Variants in NR2C1 observed in about 807,000 individuals in gnomAD.
NR2C1 encodes TR2 nuclear hormone receptor.
A neutral mutation model predicts 74.8 loss-of-function variants in NR2C1; 33 were observed. That is an observed-to-expected ratio of 0.44 (90% confidence interval 0.33 to 0.59). The LOEUF is 0.59. NR2C1 is among the 20% of genes least tolerant of loss of function. The pLI is 0.02. For missense variants in NR2C1, 568 were observed against 715.6 expected (o/e 0.79, Z 2.35); for synonymous variants, 225 against 240.6 (o/e 0.94, Z 0.60).
intron 9 of NR2C1, among the ~76,000 whole-genome samples, chr12:95,041,348 G>A (rs919813703): frequency 1.3e-5 from 2 of 152,000 alleles, no homozygotes; most frequent in Non-Finnish European, 2.9e-5. Context: ...AAATTGAGCC[G>A]TGTGTGGTGA....
chr12:95,046,807 A>G (rs1436824923), intron 9 of NR2C1, among the ~76,000 whole-genome samples: 3 of 152,146 alleles, frequency 2.0e-5, no homozygotes, highest in African/African-American at 7.2e-5. Flanking sequence ...AGAACCATGA[A>G]ATTACCAGAC....
intron 9 of NR2C1, among the ~76,000 whole-genome samples, chr12:95,045,779 A>C (rs1014183025): frequency 6.6e-6 from 1 of 152,230 alleles, no homozygotes; most frequent in Non-Finnish European, 1.5e-5. Context: ...GGAGATTTTA[A>C]GAATCAAGTA....
chr12:95,066,318 A>T (rs1875688515), intron 2 of NR2C1, among the ~76,000 whole-genome samples: 1 of 152,242 alleles, frequency 6.6e-6, no homozygotes, highest in Non-Finnish European at 1.5e-5. Context: ...CCTGGGCAAC[A>T]TGACAAAACC....
chr12:95,025,160 C>T lies in NR2C1; in HGVS notation c.1627G>A (p.Asp543Asn). The T allele has an allele frequency of 2.0e-6, 3 of 1,514,490 alleles. No homozygotes were observed. The highest frequency in any genetic ancestry group is 2.7e-6 in the Non-Finnish European group (3 of 1,097,176). 93.8% of individuals were successfully genotyped at this position (1,514,490 alleles called of 1,614,324 possible). A position where few individuals can be genotyped will look rare whatever the true frequency, so the allele number is the denominator to read the frequency against. Residue 543 changes from aspartate to asparagine, a missense_variant, in exon 13 of 14, where the codon GAC becomes AAC. This residue lies in a region of NR2C1 where 117 missense variants were observed against 186.7 expected (regional missense o/e 0.63). Coordinates refer to ENST00000333003, the MANE Select transcript of NR2C1 (RefSeq NM_003297.4). Reference protein sequence around the residue: ...QDYITKTYPDDTYRLSRLLLR... With the variant: ...QDYITKTYPDNTYRLSRLLLR... ...TTTAACTCTAGATACCTGTAGGTGT[C>T]ATCTGGATATGTTTTGGTTATATAA... is the stretch of plus-strand genomic sequence containing the variant.
At chr12:95,037,035 T>C (rs2136116572) in intron 10 of NR2C1, among the ~76,000 whole-genome samples, 1 of 152,334 alleles carries the variant, frequency 6.6e-6, no homozygotes, top group Non-Finnish European at 1.5e-5. Flanking sequence ...TCAGTGGTAA[T>C]TTAAAAGATT....
In NR2C1 at chr12:95,058,389, A is replaced by G. The variant is rs753753392; in HGVS notation, c.465T>C (p.Cys155=). The G allele has an allele frequency of 6.2e-7, 1 of 1,613,814 alleles. No homozygotes were observed. The highest frequency in any genetic ancestry group is 8.5e-7 in the Non-Finnish European group (1 of 1,179,904). The part of the protein sequence containing the change: ...LVYSCRGSKD[C]IINKHHRNRC... ...GGTTTCGGTGGTGCTTATTAATAAT[A>G]CAATCCTTTGATCCTCGACATGAAT... Residue 155 remains cysteine (C), a synonymous_variant, in exon 5 of 14, where the codon TGT becomes TGC. Transcript: ENST00000333003.
At chr12:95,060,482 T>C (rs1592784060) in intron 3 of NR2C1, among the ~76,000 whole-genome samples, 1 of 152,050 alleles carries the variant, frequency 6.6e-6, no homozygotes, top group African/African-American at 2.4e-5. Flanking sequence ...GGTGAAACCC[T>C]GTCTGTACTA....
intron 11 of NR2C1, chr12:95,030,734 C>T (rs1196008371): frequency 2.5e-6 from 4 of 1,605,476 alleles, no homozygotes; most frequent in Admixed American, 3.4e-5. Flanking sequence ...ATAAATTATT[C>T]CTGAGCTCAA....
chr12:95,022,268 A>C lies in NR2C1; in HGVS notation c.1773T>G (p.Pro591=). 6.2e-7 allele frequency: 1 copy of C among 1,612,526 alleles called. No individual in the cohort carries two copies. The highest frequency in any genetic ancestry group is 8.5e-7 in the Non-Finnish European group (1 of 1,179,648). Residue 591 remains proline (P), a synonymous_variant, in exon 14 of 14, where the codon CCT becomes CCG. Coordinates refer to ENST00000333003, the MANE Select transcript of NR2C1 (RefSeq NM_003297.4). The part of the protein sequence containing the change: ...SVIPHILKME[P]ADYNSQIIGH... ...CAATTATTTGAGAGTTATAATCTGC[A>C]GGCTCCATTTTCAAAATATGTGGGA...
intron 10 of NR2C1, among the ~76,000 whole-genome samples, chr12:95,034,111 T>C (rs1316974720): frequency 6.6e-6 from 1 of 152,316 alleles, no homozygotes; most frequent in East Asian, 1.9e-4. Flanking sequence ...ATCACAGCCT[T>C]ATGACATTAC....
chr12:95,059,986 T>TAAA lies in NR2C1; in HGVS notation c.286-5_286-3dup, dbSNP rs79760875. ...GTCTGGAGAATTATCTGTTAGGAGC[T>TAAA]AAAAAAAAAAAAAAAAAAAAAGAAA... On this transcript the variant is annotated splice_region_variant and splice_polypyrimidine_tract_variant and intron_variant, in intron 3 of 13. Transcript: ENST00000333003. 3.3e-4 allele frequency: 355 copies of TAAA among 1,074,176 alleles called. No homozygotes were observed. The highest frequency in any genetic ancestry group is 1.1e-3 in the South Asian group (57 of 52,258). 66.5% of individuals were successfully genotyped at this position (1,074,176 alleles called of 1,614,324 possible).
At chr12:95,036,270 A>AT (rs1164957818) in intron 10 of NR2C1, among the ~76,000 whole-genome samples, 4 of 89,036 alleles carry the variant, frequency 4.5e-5, no homozygotes, top group Admixed American at 1.1e-4. Context: ...GAATGTTGAG[A>AT]TTAAAAAAAA....
chr12:95,049,348 G>C (rs990582490), intron 8 of NR2C1, 115 bp from the exon 9 acceptor site: 5 of 980,998 alleles, frequency 5.1e-6, no homozygotes, highest in East Asian at 2.5e-5. Flanking sequence ...GGCTGGTCTA[G>C]AACTCAAGTG....
intron 9 of NR2C1, among the ~76,000 whole-genome samples, chr12:95,048,481 G>A (rs1324927659): frequency 6.6e-6 from 1 of 152,136 alleles, no homozygotes; most frequent in Non-Finnish European, 1.5e-5. Context: ...TGACTTAACA[G>A]GATGCTTTAT....
chr12:95,030,139 C>T (rs1869890047), intron 11 of NR2C1, among the ~76,000 whole-genome samples: 1 of 152,170 alleles, frequency 6.6e-6, no homozygotes, highest in Non-Finnish European at 1.5e-5. Flanking sequence ...TCCCAAAGGG[C>T]TGGAATTACA....
intron 11 of NR2C1, chr12:95,030,944 C>T (rs1592727942): frequency 8.5e-7 from 1 of 1,176,978 alleles, no homozygotes; most frequent in East Asian, 2.4e-5. Context: ...AGAGAATACA[C>T]TCTGATGAAT....
rs566363347 is a variant in NR2C1 at position 95,048,305 on chromosome 12, G to A, written c.1131+763C>T. 1.2e-4 allele frequency among the ~76,000 whole-genome samples: 18 copies of A among 152,286 alleles called. No homozygotes were observed. The South Asian group carries it at 3.1e-3, about 26-fold the overall frequency. ...AATGGAGCTCTTTGTAGTTACTATG[G>A]TAAGAGCAAACTATCTGGGTCTTAT... On this transcript the variant is annotated intron_variant, in intron 9 of 13. Transcript: ENST00000333003.
intron 11 of NR2C1, 64 bp downstream of exon 11, chr12:95,031,285 T>A: frequency 7.3e-7 from 1 of 1,361,750 alleles, no homozygotes; most frequent in Non-Finnish European, 9.7e-7. Context: ...ACTTTAGTCA[T>A]AACATTTAAT....
chr12:95,056,831 T>C (rs889907064), intron 7 of NR2C1, among the ~76,000 whole-genome samples: 1 of 151,628 alleles, frequency 6.6e-6, no homozygotes, highest in Non-Finnish European at 1.5e-5. Flanking sequence ...TGGTGGCAGG[T>C]GCCTGTAGTC....
Sources: allele counts gnomAD v4.1 joint callset (sites outside exome capture counted in the v4.1 genomes callset), GRCh38; gene constraint gnomAD v4.1.1; regional missense constraint gnomAD v4.1.1; transcripts MANE v1.5; gene names NCBI Gene and HGNC (gene_info 2026-07-23, HGNC 2026-07-21).